The following SV2B variants were observed in gnomAD, a reference collection of about 807,000 sequenced individuals.
SV2B encodes the protein solute carrier family 22 member B2.
Under a neutral mutation model 73.9 loss-of-function variants are expected in SV2B, and 41 were observed. The observed-to-expected ratio is 0.56, with a 90% CI of 0.43 to 0.72. The LOEUF (loss-of-function observed/expected upper bound fraction) is 0.72, where lower values mean the gene tolerates loss of function less well. Ranked by LOEUF, SV2B falls within the 30% of genes least tolerant of loss-of-function variation. The pLI, the probability that SV2B is intolerant of heterozygous loss-of-function variation, is 0.00. For synonymous variants in SV2B, 314 were observed against 314.2 expected, an observed-to-expected ratio of 1.00 and a Z score of 0.01; for missense variants, 764 against 857.8, an observed-to-expected ratio of 0.89 and a Z score of 1.37.
At chr15:91,247,895 A>G (rs2047305540) in intron 2 of SV2B, among the ~76,000 whole-genome samples, 1 of 152,176 alleles carries the variant, frequency 6.6e-6, no homozygotes, top group Non-Finnish European at 1.5e-5. Context: ...CACAGTGTTC[A>G]TTGCTAAGAT....
intron 4 of SV2B, among the ~76,000 whole-genome samples, chr15:91,256,483 T>G (rs1297380454): frequency 6.6e-6 from 1 of 152,256 alleles, no homozygotes; most frequent in Admixed American, 6.5e-5. Context: ...TGAGTTTGAC[T>G]GCTGTGTGGT....
At position 91,280,598 on chromosome 15, in the gene SV2B, G is replaced by T. The variant is rs78759129; in HGVS notation, c.1374-1130G>T. Reference sequence around the variant, plus strand: ...AGCTTGTTAAATATAGCCAACAGAGGAAGATGGTAATGTATGTGAGATACA... The same window carrying T: ...AGCTTGTTAAATATAGCCAACAGAGTAAGATGGTAATGTATGTGAGATACA... On this transcript the variant is annotated intron_variant, in intron 9 of 12. Transcript: ENST00000394232. The surrounding 1 kb of genome is among the most constrained non-coding windows in gnomAD (Gnocchi z 5.8). Among the ~76,000 whole-genome samples the T allele has an allele frequency of 6.6e-6, 1 of 152,228 alleles. No individual in the cohort carries two copies. Among genetic ancestry groups the T allele is most frequent in the Non-Finnish European group, 1.5e-5 (1 of 68,048 alleles).
At chr15:91,237,424 T>A (rs1328659234) in intron 2 of SV2B, among the ~76,000 whole-genome samples, 4 of 152,232 alleles carry the variant, frequency 2.6e-5, no homozygotes, top group African/African-American at 4.8e-5. Flanking sequence ...GAAAAATCAC[T>A]TCCAGTTGAC....
At chr15:91,155,070 G>T (rs1345697000) in intron 1 of SV2B, among the ~76,000 whole-genome samples, 7 of 152,024 alleles carry the variant, frequency 4.6e-5, no homozygotes, top group African/African-American at 7.3e-5. Context: ...CCAAAGTACC[G>T]CTTCTGGCCC....
At chr15:91,244,536 A>G (rs2047148968) in intron 2 of SV2B, among the ~76,000 whole-genome samples, 1 of 152,232 alleles carries the variant, frequency 6.6e-6, no homozygotes, top group Non-Finnish European at 1.5e-5. Flanking sequence ...AGAAGTTTCC[A>G]AGCGTCCAGA....
chr15:91,107,618 AT>A (rs949738139), intron 1 of SV2B, among the ~76,000 whole-genome samples: 176 of 149,588 alleles, frequency 1.2e-3, no homozygotes, highest in African/African-American at 3.5e-3. Context: ...CTAACTTTCT[AT>A]TTTTTTTTGA....
chr15:91,218,965 G>T (rs1455847943), intron 1 of SV2B, among the ~76,000 whole-genome samples: 4 of 151,848 alleles, frequency 2.6e-5, no homozygotes, highest in Non-Finnish European at 5.9e-5. Flanking sequence ...TTAATACATG[G>T]TCTTTCTCTG....
rs1219960345 is a variant in SV2B at position 91,290,373 on chromosome 15, G to A, written c.1868+693G>A. 1.3e-5 allele frequency among the ~76,000 whole-genome samples: 2 copies of A among 152,202 alleles called. No individual in the cohort carries two copies. The highest frequency in any genetic ancestry group is 2.9e-5 in the Non-Finnish European group (2 of 68,024). ...AGGTATTGGGATATAGATAACTAAG[G>A]AAGAGCACAACGTGTCATATTTGGA... On this transcript the variant is annotated intron_variant, in intron 12 of 12. Transcript: ENST00000394232. The surrounding 1 kb of genome is among the most constrained non-coding windows in gnomAD (Gnocchi z 4.7).
At chr15:91,189,816 A>C (rs1052601971) in intron 1 of SV2B, among the ~76,000 whole-genome samples, 2 of 152,172 alleles carry the variant, frequency 1.3e-5, no homozygotes, top group African/African-American at 4.8e-5. Flanking sequence ...GTGAAACACT[A>C]TCTCTACTAA....
In SV2B at chr15:91,292,539, A is replaced by G; in HGVS notation, c.2039A>G (p.Gln680Arg). 1.2e-6 allele frequency: 2 copies of G among 1,613,594 alleles called. No individual in the cohort carries two copies. The highest frequency in any genetic ancestry group is 4.5e-5 in the East Asian group (2 of 44,856). The change falls in exon 13 of 13, where the codon CAG (glutamine) becomes CGG (arginine). Residue 680 changes from glutamine to arginine, a missense_variant. Physicochemically the swap from Gln to Arg is conservative, Grantham distance 43 (BLOSUM62 1). Coordinates refer to ENST00000394232, the MANE Select transcript of SV2B (RefSeq NM_001323032.3). ...CTTCGACTGCCAGAGACTCGAGAAC[A>G]GGTCCTGATGTGAACAACCTATGGG... Reference protein sequence around the residue: ...IALRLPETREQVLM With the variant: ...IALRLPETRERVLM
At position 91,156,345 on chromosome 15, in the gene SV2B, C is replaced by G. The variant is rs760568533; in HGVS notation, c.-392+55982C>G. Among the ~76,000 whole-genome samples the G allele has an allele frequency of 5.3e-4, 81 of 152,158 alleles. 1 individual carries two copies. The highest frequency in any genetic ancestry group is 8.2e-4 in the Non-Finnish European group (56 of 68,022). On this transcript the variant is annotated intron_variant, in intron 1 of 12. Coordinates refer to ENST00000394232, the MANE Select transcript of SV2B (RefSeq NM_001323032.3). ...AGATGGGTTCTCTTGTGCAGGGCCA[C>G]TTGATGAACACGTGCACCTCAAAAA...
intron 1 of SV2B, among the ~76,000 whole-genome samples, chr15:91,147,067 C>A (rs2043167749): frequency 6.6e-6 from 1 of 152,204 alleles, no homozygotes; most frequent in African/African-American, 2.4e-5. Context: ...GAGATGATGT[C>A]TTATTTATGT....
chr15:91,266,556 C>T (rs1174111537), intron 6 of SV2B, 26 bp from the exon 7 acceptor site: 3 of 1,571,270 alleles, frequency 1.9e-6, no homozygotes, highest in African/African-American at 2.7e-5. Flanking sequence ...GGTTCAAATT[C>T]TCTATATCCT....
chr15:91,279,532 T>A (rs1427512753), intron 9 of SV2B, among the ~76,000 whole-genome samples: 1 of 152,228 alleles, frequency 6.6e-6, no homozygotes, highest in Non-Finnish European at 1.5e-5. Context: ...TCGGAGGAGA[T>A]GATTTATGTA....
At chr15:91,257,436 T>C (rs1489864065) in intron 4 of SV2B, among the ~76,000 whole-genome samples, 1 of 152,218 alleles carries the variant, frequency 6.6e-6, no homozygotes, top group African/African-American at 2.4e-5. Flanking sequence ...CCCATGAGGA[T>C]ATTCAAAACA....
chr15:91,165,566 A>G (rs2043884998), intron 1 of SV2B, among the ~76,000 whole-genome samples: 1 of 152,182 alleles, frequency 6.6e-6, no homozygotes. Flanking sequence ...GGATTTTGGT[A>G]TCCACGGAGG....
intron 1 of SV2B, among the ~76,000 whole-genome samples, chr15:91,208,381 A>C (rs1186415304): frequency 6.6e-6 from 1 of 152,028 alleles, no homozygotes; most frequent in Non-Finnish European, 1.5e-5. Context: ...TTTTCCCCCC[A>C]CCCTTGAAAA....
intron 1 of SV2B, among the ~76,000 whole-genome samples, chr15:91,164,801 A>T (rs983261140): frequency 6.6e-6 from 1 of 152,200 alleles, no homozygotes; most frequent in Admixed American, 6.5e-5. Context: ...ATATGCTGAC[A>T]TTAATATGTA....
chr15:91,123,798 A>G lies in SV2B; in HGVS notation c.-392+23435A>G, dbSNP rs2042403353. On this transcript the variant is annotated intron_variant, in intron 1 of 12. Coordinates refer to ENST00000394232, the MANE Select transcript of SV2B (RefSeq NM_001323032.3). The surrounding 1 kb of genome is among the most constrained non-coding windows in gnomAD (Gnocchi z 4.7). ...AAGGTCTCCAGAGAGGAGCAAGGAG[A>G]GACTAATTGGGAACAGGCAGGATTT... Among the ~76,000 whole-genome samples the G allele has an allele frequency of 6.6e-6, 1 of 152,040 alleles. No individual in the cohort carries two copies. The highest frequency in any genetic ancestry group is 2.4e-5 in the African/African-American group (1 of 41,386).
Sources: allele counts gnomAD v4.1 joint callset (sites outside exome capture counted in the v4.1 genomes callset), GRCh38; gene constraint gnomAD v4.1.1; non-coding constraint Gnocchi (gnomAD v3.1); transcripts MANE v1.5; gene names NCBI Gene and HGNC (gene_info 2026-07-23, HGNC 2026-07-21).